The following INPP4B variants were observed in gnomAD, a reference collection of about 807,000 sequenced individuals.
INPP4B encodes inositol polyphosphate 4-phosphatase type II.
Under a neutral mutation model 122.5 loss-of-function variants are expected in INPP4B, and 55 were observed. The ratio of observed to expected loss-of-function variants is 0.45; its 90% CI spans 0.36 to 0.56. The LOEUF (loss-of-function observed/expected upper bound fraction) is 0.56, where lower values mean the gene tolerates loss of function less well. INPP4B is among the 20% of genes least tolerant of loss of function. The pLI is 0.00. For synonymous variants in INPP4B, 403 were observed against 388.7 expected (o/e 1.04, Z -0.43); for missense variants, 1,000 against 1,097.7 (o/e 0.91, Z 1.26).
intron 8 of INPP4B, among the ~76,000 whole-genome samples, chr4:142,311,336 C>A (rs1369778651): frequency 6.6e-6 from 1 of 152,124 alleles, no homozygotes; most frequent in Non-Finnish European, 1.5e-5. Context: ...CGTGCTTGAA[C>A]TTTAGTTCTG....
intron 25 of INPP4B, among the ~76,000 whole-genome samples, chr4:142,072,643 C>T (rs1476940181): frequency 6.6e-6 from 1 of 150,726 alleles, no homozygotes; most frequent in African/African-American, 2.4e-5. Context: ...GACAAAGAAC[C>T]AATAATGACA....
rs576835239 is a variant in INPP4B at position 142,646,811 on chromosome 4, G to T, written c.-191+79028C>A. On this transcript the variant is annotated intron_variant, in intron 2 of 25. Coordinates refer to ENST00000262992, the MANE Select transcript of INPP4B (RefSeq NM_001101669.3). ...AACCAGGACAGAGTGCTCCAGGAAGGCCCTCTCTAAGGAGCAAGGGTGCTC... is the reference window on the plus strand; with the variant it reads ...AACCAGGACAGAGTGCTCCAGGAAGTCCCTCTCTAAGGAGCAAGGGTGCTC... Among the ~76,000 whole-genome samples the T allele has an allele frequency of 7.9e-5, 12 of 152,280 alleles. No homozygotes were observed. In the South Asian group the frequency reaches 1.5e-3, roughly 18 times the overall value.
chr4:142,200,660 A>T (rs1485023406), intron 14 of INPP4B, among the ~76,000 whole-genome samples: 5 of 152,042 alleles, frequency 3.3e-5, no homozygotes, highest in African/African-American at 1.2e-4. Context: ...GGTTGGGGAT[A>T]AGAAATTCTA....
chr4:142,271,190 G>A (rs1447974363), intron 9 of INPP4B, among the ~76,000 whole-genome samples: 8 of 151,990 alleles, frequency 5.3e-5, no homozygotes, highest in South Asian at 4.2e-4. Flanking sequence ...TGATCCACCC[G>A]CCTAGGCCTC....
In INPP4B at chr4:142,212,957, G is replaced by A. The variant is rs62328251; in HGVS notation, c.837-3931C>T. On this transcript the variant is annotated intron_variant, in intron 12 of 25. Transcript: ENST00000262992. ...GGTTTTTCCTCATGCTGGTGTTTTG[G>A]CTGAACTTTTCATGATTAATATTAT... 9.9e-3 allele frequency among the ~76,000 whole-genome samples: 1,500 copies of A among 152,228 alleles called. 19 individuals are homozygous for A. The highest frequency in any genetic ancestry group is 0.015 in the Admixed American group (232 of 15,282).
At chr4:142,681,787 C>T (rs544633261) in intron 2 of INPP4B, among the ~76,000 whole-genome samples, 13 of 151,902 alleles carry the variant, frequency 8.6e-5, no homozygotes, top group African/African-American at 3.1e-4. Context: ...AATAATCTGC[C>T]TTGAAATTTC....
intron 2 of INPP4B, among the ~76,000 whole-genome samples, chr4:142,601,830 G>A (rs900679821): frequency 1.3e-5 from 2 of 151,650 alleles, no homozygotes; most frequent in Non-Finnish European, 2.9e-5. Context: ...TTAGCCAGGT[G>A]TGGTGGCGGG....
At chr4:142,433,557 C>G (rs940384554) in intron 3 of INPP4B, among the ~76,000 whole-genome samples, 1 of 152,124 alleles carries the variant, frequency 6.6e-6, no homozygotes, top group African/African-American at 2.4e-5. Context: ...ATATTTTGTA[C>G]ACTCACATTA....
intron 21 of INPP4B, among the ~76,000 whole-genome samples, chr4:142,114,448 C>G (rs1208462780): frequency 1.3e-5 from 2 of 152,016 alleles, no homozygotes; most frequent in African/African-American, 4.8e-5. Context: ...AACATTTGCT[C>G]TTATCTGATG....
chr4:142,561,918 G>T (rs1358749657), intron 2 of INPP4B, among the ~76,000 whole-genome samples: 1 of 151,952 alleles, frequency 6.6e-6, no homozygotes, highest in Admixed American at 6.6e-5. Context: ...TTTGCAAAGA[G>T]TTTCTATGTT....
chr4:142,717,052 G>C (rs1560992104), intron 2 of INPP4B, among the ~76,000 whole-genome samples: 1 of 152,094 alleles, frequency 6.6e-6, no homozygotes, highest in Non-Finnish European at 1.5e-5. Context: ...ATAACCCTAG[G>C]TATGACCATG....
chr4:142,240,706 G>A (rs1858938015), intron 11 of INPP4B, among the ~76,000 whole-genome samples: 1 of 152,062 alleles, frequency 6.6e-6, no homozygotes, highest in Admixed American at 6.6e-5. Flanking sequence ...GTTTGACCCA[G>A]CAGTGTTGCT....
chr4:142,381,027 C>A (rs145610638), intron 7 of INPP4B, among the ~76,000 whole-genome samples: 1 of 152,238 alleles, frequency 6.6e-6, no homozygotes, highest in East Asian at 1.9e-4. Context: ...AGCCTTCATT[C>A]TTTCTAATTT....
At chr4:142,030,729 A>G (rs1461453282) in intron 25 of INPP4B, among the ~76,000 whole-genome samples, 3 of 152,178 alleles carry the variant, frequency 2.0e-5, no homozygotes, top group African/African-American at 7.2e-5. Context: ...AAGCAAACCA[A>G]TGTGTCTGGC....
At chr4:142,209,913 G>A (rs181806450) in intron 12 of INPP4B, among the ~76,000 whole-genome samples, 4 of 151,306 alleles carry the variant, frequency 2.6e-5, no homozygotes, top group African/African-American at 9.7e-5. Context: ...ATGTGTATGC[G>A]TTGCTCCCTC....
chr4:142,670,098 A>G (rs143705261), intron 2 of INPP4B, among the ~76,000 whole-genome samples: 121 of 152,322 alleles, frequency 7.9e-4, no homozygotes, highest in Middle Eastern at 3.4e-3. Flanking sequence ...CAAACGGTGT[A>G]TATGCTACTT....
intron 11 of INPP4B, among the ~76,000 whole-genome samples, chr4:142,259,403 A>G (rs1301103457): frequency 1.3e-5 from 2 of 151,628 alleles, no homozygotes; most frequent in African/African-American, 4.8e-5. Flanking sequence ...AGATACCACA[A>G]TCAACAAGAG....
intron 11 of INPP4B, among the ~76,000 whole-genome samples, chr4:142,244,906 A>G (rs1198071761): frequency 1.3e-5 from 2 of 152,104 alleles, no homozygotes; most frequent in Non-Finnish European, 2.9e-5. Flanking sequence ...TAACTTTTTA[A>G]TGATTGCCAT....
chr4:142,070,185 C>A (rs6845576), intron 25 of INPP4B, among the ~76,000 whole-genome samples: 1,595 of 152,144 alleles, frequency 0.01, 29 homozygotes, highest in African/African-American at 0.037. Context: ...GTTCAACATA[C>A]GCAAATTAAT....
Sources: gnomAD v4.1 joint callset for allele counts (sites outside exome capture counted in the v4.1 genomes callset) on GRCh38, gnomAD v4.1.1 for gene constraint, MANE v1.5 for transcripts, NCBI Gene and HGNC (gene_info 2026-07-23, HGNC 2026-07-21) for gene names.